Variants in CDH12 observed in about 807,000 individuals in gnomAD.
The protein encoded by CDH12 is cadherin-12.
In CDH12, 41 loss-of-function variants were observed where a neutral mutation model predicts 74.1. The ratio of observed to expected loss-of-function variants is 0.55; its 90% CI spans 0.43 to 0.72. CDH12 has a LOEUF of 0.72. Ranked by LOEUF, CDH12 falls within the 30% of genes least tolerant of loss-of-function variation. CDH12 has a pLI of 0.00. For synonymous variants in CDH12, 399 were observed against 355.0 expected (o/e 1.12, Z -1.39); for missense variants, 945 against 977.2 (o/e 0.97, Z 0.44).
chr5:22,010,299 T>C (rs183458195), intron 5 of CDH12, among the ~76,000 whole-genome samples: 1,936 of 152,252 alleles, frequency 0.013, 12 homozygotes, highest in African/African-American at 0.022. Flanking sequence ...TCCATGCCAG[T>C]TTTCACATAA....
intron 1 of CDH12, among the ~76,000 whole-genome samples, chr5:22,728,686 T>G (rs1419031380): frequency 7.9e-5 from 12 of 151,850 alleles, no homozygotes; most frequent in Non-Finnish European, 1.6e-4. Flanking sequence ...ATGCGGCAAA[T>G]CCAGTGTCTG....
At chr5:22,792,666 T>C (rs1381064655) in intron 1 of CDH12, among the ~76,000 whole-genome samples, 2 of 152,144 alleles carry the variant, frequency 1.3e-5, no homozygotes, top group African/African-American at 2.4e-5. Flanking sequence ...AAGTCTGGCT[T>C]TGTAAATTTG....
intron 4 of CDH12, among the ~76,000 whole-genome samples, chr5:22,199,121 G>T (rs1470091664): frequency 1.3e-5 from 2 of 152,138 alleles, no homozygotes; most frequent in Non-Finnish European, 2.9e-5. Context: ...ACAAGGAAAT[G>T]CTTACTCAGA....
intron 6 of CDH12, chr5:21,884,155 C>A (rs1407442077): frequency 1.6e-5 from 26 of 1,576,174 alleles, no homozygotes; most frequent in Non-Finnish European, 2.1e-5. Flanking sequence ...ATTGACCCAA[C>A]AAAGCTTGTG....
At chr5:22,055,688 T>C (rs151024765) in intron 5 of CDH12, among the ~76,000 whole-genome samples, 1,921 of 152,168 alleles carry the variant, frequency 0.013, 31 homozygotes, top group African/African-American at 0.044. Context: ...TATTCATTCA[T>C]TCATTAATCA....
At chr5:21,865,091 G>A (rs1319422605) in intron 6 of CDH12, among the ~76,000 whole-genome samples, 1 of 152,132 alleles carries the variant, frequency 6.6e-6, no homozygotes, top group Non-Finnish European at 1.5e-5. Flanking sequence ...TGGTAGAATT[G>A]TTTTCATATC....
intron 5 of CDH12, among the ~76,000 whole-genome samples, chr5:22,059,818 T>C (rs1741060920): frequency 6.6e-6 from 1 of 152,126 alleles, no homozygotes; most frequent in African/African-American, 2.4e-5. Flanking sequence ...AAATTACTCT[T>C]GATGATAGTA....
In CDH12 at chr5:22,692,258, C is replaced by T. The variant is rs147738030; in HGVS notation, c.-523+160800G>A. Among the ~76,000 whole-genome samples the T allele has an allele frequency of 1.7e-3, 262 of 152,180 alleles. 1 individual carries two copies. Among genetic ancestry groups the T allele is most frequent in the African/African-American group, 5.7e-3 (236 of 41,512 alleles). Reference sequence around the variant, plus strand: ...CTTAACAGATGCAGATGGTGGTGTCCGGGCTTCTCATACAGGCTACAGAGC... The same window carrying T: ...CTTAACAGATGCAGATGGTGGTGTCTGGGCTTCTCATACAGGCTACAGAGC... On this transcript the variant is annotated intron_variant, in intron 1 of 14. Coordinates refer to ENST00000382254, the MANE Select transcript of CDH12 (RefSeq NM_004061.5).
chr5:21,847,810 C>A (rs1750257545), intron 7 of CDH12, among the ~76,000 whole-genome samples: 1 of 152,094 alleles, frequency 6.6e-6, no homozygotes, highest in Non-Finnish European at 1.5e-5. Flanking sequence ...TTTCATATTT[C>A]TTTCTCTAAC....
At chr5:22,359,598 A>T (rs1488701252) in intron 3 of CDH12, among the ~76,000 whole-genome samples, 1 of 152,076 alleles carries the variant, frequency 6.6e-6, no homozygotes, top group African/African-American at 2.4e-5. Context: ...CATCTACAGA[A>T]CTCTCCACCC....
chr5:22,103,914 G>A (rs939464413), intron 4 of CDH12, among the ~76,000 whole-genome samples: 1 of 152,070 alleles, frequency 6.6e-6, no homozygotes, highest in Non-Finnish European at 1.5e-5. Context: ...TAGGTTTTTG[G>A]CAATAAACAT....
At chr5:22,487,270 G>C (rs1184511802) in intron 2 of CDH12, among the ~76,000 whole-genome samples, 2 of 152,036 alleles carry the variant, frequency 1.3e-5, no homozygotes, top group African/African-American at 4.8e-5. Flanking sequence ...CCAAAGTCCT[G>C]GGATTACAGG....
chr5:21,905,936 T>C (rs929063861), intron 6 of CDH12, among the ~76,000 whole-genome samples: 3 of 152,140 alleles, frequency 2.0e-5, no homozygotes, highest in Admixed American at 1.3e-4. Flanking sequence ...ATTCATGGTG[T>C]CTAGAACAAT....
Position 22,463,095 on chromosome 5 carries a change from T to C in CDH12, c.-428+42175A>G, listed in dbSNP as rs552148301. Among the ~76,000 whole-genome samples, 20 of 152,156 alleles carry C rather than the reference T, an allele frequency of 1.3e-4. No individual in the cohort carries two copies. In the South Asian group the frequency reaches 4.0e-3, roughly 30 times the overall value. On this transcript the variant is annotated intron_variant, in intron 2 of 14. Coordinates refer to ENST00000382254, the MANE Select transcript of CDH12 (RefSeq NM_004061.5). ...TTAGGAACATATAATCAAGAAAGTA[T>C]CCAAACTAAAAGGGACAAATGATAC... is the stretch of plus-strand genomic sequence containing the variant.
intron 3 of CDH12, among the ~76,000 whole-genome samples, chr5:22,264,771 T>C (rs1436394733): frequency 1.3e-5 from 2 of 152,214 alleles, no homozygotes; most frequent in Non-Finnish European, 2.9e-5. Context: ...TTTGTTTCCT[T>C]GATTTCAGAA....
chr5:22,160,062 A>G (rs564096730), intron 4 of CDH12, among the ~76,000 whole-genome samples: 98 of 152,276 alleles, frequency 6.4e-4, no homozygotes, highest in Non-Finnish European at 7.1e-4. Context: ...ATCTATTGCA[A>G]TATACGTTGC....
At chr5:22,209,879 G>T (rs1751431517) in intron 4 of CDH12, among the ~76,000 whole-genome samples, 1 of 152,114 alleles carries the variant, frequency 6.6e-6, no homozygotes, top group Non-Finnish European at 1.5e-5. Flanking sequence ...TAACAAAAAG[G>T]TATAGTATAG....
intron 4 of CDH12, among the ~76,000 whole-genome samples, chr5:22,175,584 T>C (rs933015211): frequency 1.5e-5 from 2 of 136,768 alleles, no homozygotes; most frequent in African/African-American, 5.2e-5. Flanking sequence ...AAGAAATATA[T>C]GGTGTTAATT....
intron 1 of CDH12, among the ~76,000 whole-genome samples, chr5:22,583,401 A>G (rs985925960): frequency 9.8e-5 from 15 of 152,346 alleles, no homozygotes; most frequent in South Asian, 2.1e-4. Context: ...ATATTTTAAA[A>G]TTCACTTATT....
Sources: gnomAD v4.1 joint callset for allele counts (sites outside exome capture counted in the v4.1 genomes callset) on GRCh38, gnomAD v4.1.1 for gene constraint, MANE v1.5 for transcripts, NCBI Gene and HGNC (gene_info 2026-07-23, HGNC 2026-07-21) for gene names.